Variants in GRIN2A observed in about 807,000 individuals in gnomAD.
GRIN2A encodes the protein glutamate ionotropic receptor NMDA type subunit 2A.
Under a neutral mutation model 113.4 loss-of-function variants are expected in GRIN2A, and 22 were observed. That is an observed-to-expected ratio of 0.19 (90% CI 0.14 to 0.28). The LOEUF (loss-of-function observed/expected upper bound fraction) is 0.28. GRIN2A is among the 10% of genes least tolerant of loss of function. The pLI, the probability that GRIN2A is intolerant of heterozygous loss-of-function variation, is 1.00. For missense variants in GRIN2A, 1,502 were observed against 1,887.0 expected, an observed-to-expected ratio of 0.80 and a Z score of 3.78; for synonymous variants, 827 against 738.4, an observed-to-expected ratio of 1.12 and a Z score of -1.94.
At chr16:9,937,930 A>C (rs760348842) in intron 3 of GRIN2A, 29 bp downstream of exon 3, 1 of 1,511,710 alleles carries the variant, frequency 6.6e-7, no homozygotes, top group Non-Finnish European at 9.2e-7. Context: ...CTCTGATCCC[A>C]CTTTGGGAGA....
chr16:10,121,128 G>A (rs949369150), intron 2 of GRIN2A, among the ~76,000 whole-genome samples: 8 of 152,064 alleles, frequency 5.3e-5, no homozygotes, highest in South Asian at 2.1e-4. Context: ...CAAGAAGGGT[G>A]GGGCAACCAC....
At chr16:10,133,649 G>T (rs1275593469) in intron 2 of GRIN2A, among the ~76,000 whole-genome samples, 2 of 152,038 alleles carry the variant, frequency 1.3e-5, no homozygotes, top group Admixed American at 6.5e-5. Context: ...AATCTCATGA[G>T]CTCAGATGTC....
intron 2 of GRIN2A, chr16:10,111,843 G>A: frequency 9.0e-7 from 1 of 1,115,778 alleles, no homozygotes; most frequent in Non-Finnish European, 1.3e-6. Context: ...GGAGCAAGTT[G>A]GTGGGCATCA....
intron 2 of GRIN2A, among the ~76,000 whole-genome samples, chr16:10,162,812 C>T (rs9934373): frequency 0.026 from 3,955 of 152,242 alleles, 159 homozygotes; most frequent in African/African-American, 0.091. Flanking sequence ...CTCCTACCCT[C>T]GGATGAAACC....
At chr16:10,160,266 A>G (rs1044342852) in intron 2 of GRIN2A, among the ~76,000 whole-genome samples, 5 of 152,208 alleles carry the variant, frequency 3.3e-5, no homozygotes, top group African/African-American at 1.2e-4. Context: ...GAGTGCTGGA[A>G]GTATAGAATG....
intron 2 of GRIN2A, among the ~76,000 whole-genome samples, chr16:10,160,465 C>A (rs1183813831): frequency 6.6e-6 from 1 of 152,164 alleles, no homozygotes; most frequent in Non-Finnish European, 1.5e-5. Context: ...CACGATATGG[C>A]AGCATGAAGT....
intron 10 of GRIN2A, among the ~76,000 whole-genome samples, chr16:9,820,838 A>AT (rs756536128): frequency 6.6e-6 from 1 of 152,176 alleles, no homozygotes; most frequent in Non-Finnish European, 1.5e-5. Flanking sequence ...AATTTTCTGC[A>AT]TTTTTGTTAT....
At chr16:9,847,524 C>T (rs1362251785) in intron 5 of GRIN2A, among the ~76,000 whole-genome samples, 1 of 151,868 alleles carries the variant, frequency 6.6e-6, no homozygotes, top group Admixed American at 6.6e-5. Context: ...GTGATCACAC[C>T]ACTGCACTCC....
At chr16:10,103,156 A>G (rs1432641830) in intron 2 of GRIN2A, among the ~76,000 whole-genome samples, 2 of 151,244 alleles carry the variant, frequency 1.3e-5, no homozygotes, top group Admixed American at 6.6e-5. Context: ...AGCAACAGCA[A>G]CTTTTTTTTT....
In GRIN2A at chr16:10,073,571, T is replaced by C. The variant is rs1057454814; in HGVS notation, c.414+106427A>G. ...GCATTAAGAAATTCCTAATCTACCG[T>C]GATGTGTGAGGGTCAAAAAAGTGGG... On this transcript the variant is annotated intron_variant, in intron 2 of 12. Transcript: ENST00000330684. Among the ~76,000 whole-genome samples the C allele has an allele frequency of 7.9e-5, 12 of 152,106 alleles. No homozygotes were observed. In the Middle Eastern group the frequency reaches 0.02, roughly 259 times the overall value.
chr16:10,043,888 C>CAT lies in GRIN2A; in HGVS notation c.415-105339_415-105338dup, dbSNP rs758287683. Among the ~76,000 whole-genome samples the CAT allele has an allele frequency of 3.3e-3, 502 of 151,158 alleles. 2 individuals carry two copies. Among genetic ancestry groups the CAT allele is most frequent in the Middle Eastern group, 6.9e-3 (2 of 288 alleles). ...TGCAATATACATATACATACACACACATATATATATACACACATATATATA... is the reference window on the plus strand; with the variant it reads ...TGCAATATACATATACATACACACACATATATATATATACACACATATATATA... On this transcript the variant is annotated intron_variant, in intron 2 of 12. Coordinates refer to ENST00000330684, the MANE Select transcript of GRIN2A (RefSeq NM_001134407.3).
At chr16:9,789,858 T>G (rs1596409052) in intron 11 of GRIN2A, among the ~76,000 whole-genome samples, 1 of 152,166 alleles carries the variant, frequency 6.6e-6, no homozygotes, top group East Asian at 1.9e-4. Context: ...AGCCCCTCCT[T>G]GGGGAAGGCA....
At chr16:9,946,441 G>A (rs767118773) in intron 2 of GRIN2A, among the ~76,000 whole-genome samples, 49 of 152,304 alleles carry the variant, frequency 3.2e-4, no homozygotes, top group Non-Finnish European at 5.3e-4. Flanking sequence ...AGTCCCAACT[G>A]TGACTGGGCC....
intron 2 of GRIN2A, among the ~76,000 whole-genome samples, chr16:10,157,805 G>A (rs1465155286): frequency 6.6e-6 from 1 of 152,170 alleles, no homozygotes. Context: ...TGCTAAGTGA[G>A]ACTTGGCAGG....
intron 4 of GRIN2A, among the ~76,000 whole-genome samples, chr16:9,851,358 G>C (rs917304827): frequency 3.3e-5 from 5 of 152,162 alleles, no homozygotes. Context: ...TTCACGCTAT[G>C]ATATGTAACA....
At chr16:10,109,846 T>A (rs1449970382) in intron 2 of GRIN2A, among the ~76,000 whole-genome samples, 1 of 152,128 alleles carries the variant, frequency 6.6e-6, no homozygotes, top group African/African-American at 2.4e-5. Flanking sequence ...ACATCTCATG[T>A]ACCCCATAAA....
intron 10 of GRIN2A, among the ~76,000 whole-genome samples, chr16:9,807,381 G>C (rs1369277155): frequency 9.2e-5 from 7 of 75,884 alleles, no homozygotes; most frequent in African/African-American, 3.4e-4. Flanking sequence ...AGGGAGAGGG[G>C]GAGGGAGAGA....
chr16:9,998,384 C>G (rs1376959536), intron 2 of GRIN2A, among the ~76,000 whole-genome samples: 1 of 152,120 alleles, frequency 6.6e-6, no homozygotes, highest in Non-Finnish European at 1.5e-5. Flanking sequence ...TGCCAGGGAG[C>G]TGGAAGGATG....
At position 9,763,588 on chromosome 16, in the gene GRIN2A, A is replaced by G. The variant is rs2141128078; in HGVS notation, c.3956T>C (p.Leu1319Pro). The part of the protein sequence containing the change: ...RSISLKDRER[L>P]LEGNFYGSLF... ...GCTGCCGTAAAAATTTCCCTCCAGA[A>G]GCCGTTCCCTGTCCTTGAGGCTTAT... Residue 1319 changes from leucine (L) to proline (P), a missense_variant, in exon 13 of 13, where the codon CTT (leucine) becomes CCT (proline). This residue lies in a region of GRIN2A where 832 missense variants were observed against 789.7 expected (regional missense o/e 1.05). Transcript: ENST00000330684. 1 of 1,613,744 alleles carries G rather than the reference A, an allele frequency of 6.2e-7. No homozygotes were observed. The highest frequency in any genetic ancestry group is 8.5e-7 in the Non-Finnish European group (1 of 1,180,000).
Sources: gnomAD v4.1 joint callset for allele counts (sites outside exome capture counted in the v4.1 genomes callset) on GRCh38, gnomAD v4.1.1 for gene constraint, gnomAD v4.1.1 regional missense constraint, MANE v1.5 for transcripts, NCBI Gene and HGNC (gene_info 2026-07-23, HGNC 2026-07-21) for gene names.